DPP6: variants seen among roughly 807,000 people sequenced by gnomAD.
DPP6 encodes the protein A-type potassium channel modulatory protein DPP6.
Under a neutral mutation model 122.6 loss-of-function variants are expected in DPP6, and 69 were observed. The observed-to-expected ratio is 0.56, with a 90% CI of 0.46 to 0.69. The LOEUF is 0.69. DPP6 is among the 30% of genes least tolerant of loss of function. The pLI is 0.00. For missense variants in DPP6, 928 were observed against 1,116.9 expected (o/e 0.83, Z 2.41); for synonymous variants, 418 against 433.1 (o/e 0.97, Z 0.43).
Position 154,228,794 on chromosome 7 carries a change from T to C in DPP6, c.243+175731T>C, listed in dbSNP as rs529816509. Among the ~76,000 whole-genome samples, 10 of 152,326 alleles carry C rather than the reference T, an allele frequency of 6.6e-5. No individual in the cohort carries two copies. In the South Asian group the frequency reaches 1.9e-3, roughly 28 times the overall value. Reference sequence around the variant, plus strand: ...TTCAAAACACTTTTTAAAGCAATGATGTCAGTCATTTAGTCCATCCCTAAA... The same window carrying C: ...TTCAAAACACTTTTTAAAGCAATGACGTCAGTCATTTAGTCCATCCCTAAA... On this transcript the variant is annotated intron_variant, in intron 1 of 25. Transcript: ENST00000377770.
chr7:154,787,503 C>T (rs576526101), intron 10 of DPP6, among the ~76,000 whole-genome samples: 24 of 152,180 alleles, frequency 1.6e-4, no homozygotes, highest in African/African-American at 2.2e-4. Flanking sequence ...TCCAGAAATA[C>T]GCTTATTATT....
At chr7:153,898,498 C>T (rs1002904400) in intron 1 of DPP6, among the ~76,000 whole-genome samples, 5 of 151,942 alleles carry the variant, frequency 3.3e-5, no homozygotes, top group African/African-American at 9.7e-5. Context: ...ATGTTCCCAA[C>T]GTGAAAAAAT....
chr7:154,638,410 T>A (rs1835861080), intron 6 of DPP6, among the ~76,000 whole-genome samples: 1 of 152,188 alleles, frequency 6.6e-6, no homozygotes, highest in Non-Finnish European at 1.5e-5. Flanking sequence ...GCTCTACCCA[T>A]CACTCCGAGG....
chr7:154,795,292 T>G (rs1797976142), intron 11 of DPP6, among the ~76,000 whole-genome samples: 1 of 152,228 alleles, frequency 6.6e-6, no homozygotes, highest in Non-Finnish European at 1.5e-5. Context: ...GTGACACATG[T>G]GTGCTGCACA....
chr7:154,490,960 G>A (rs1032237720), intron 3 of DPP6, among the ~76,000 whole-genome samples: 2 of 152,192 alleles, frequency 1.3e-5, no homozygotes, highest in African/African-American at 4.8e-5. Flanking sequence ...TATACTGTAG[G>A]TGTCTATTTG....
At chr7:154,281,188 T>C (rs1414131406) in intron 1 of DPP6, among the ~76,000 whole-genome samples, 1 of 151,940 alleles carries the variant, frequency 6.6e-6, no homozygotes, top group Non-Finnish European at 1.5e-5. Context: ...AATTTTAGTA[T>C]TTTTAGTAGA....
chr7:154,309,781 G>A (rs1806697839), intron 1 of DPP6, among the ~76,000 whole-genome samples: 1 of 152,194 alleles, frequency 6.6e-6, no homozygotes. Context: ...CATAACTATT[G>A]AGGAGTCCCA....
At chr7:154,059,695 G>A (rs1403998983) in intron 1 of DPP6, 1 of 150,328 alleles carries the variant, frequency 6.7e-6, no homozygotes, top group Non-Finnish European at 1.5e-5. Flanking sequence ...AAAATCTTCT[G>A]ACAGCCCCAG....
chr7:153,915,330 G>A (rs1336229837), intron 1 of DPP6, among the ~76,000 whole-genome samples: 2 of 152,066 alleles, frequency 1.3e-5, no homozygotes, highest in Non-Finnish European at 2.9e-5. Flanking sequence ...CCAGTCCCTA[G>A]CTCCTACCCC....
Position 154,481,344 on chromosome 7 carries a change from G to GA in DPP6, c.457+6307_457+6308insA, listed in dbSNP as rs1554564216. The stretch of plus-strand genomic sequence containing the variant: ...CTATACACTTGGAGAGAGAGAGAGA[G>GA]GGGTGTGTGTGTGTGTGTGTGTGTG... On this transcript the variant is annotated intron_variant, in intron 3 of 25. Coordinates refer to ENST00000377770, the MANE Select transcript of DPP6 (RefSeq NM_130797.4). The surrounding 1 kb of genome is among the most constrained non-coding windows in gnomAD (Gnocchi z 4.2). Among the ~76,000 whole-genome samples the GA allele has an allele frequency of 6.5e-5, 2 of 30,802 alleles. No individual in the cohort carries two copies. The highest frequency in any genetic ancestry group is 2.6e-4 in the Non-Finnish European group (2 of 7,802). The allele number at this position is 30,802 out of a possible 152,430, so 20.2% of individuals were successfully genotyped here.
chr7:153,999,471 T>A (rs550142610), intron 1 of DPP6, among the ~76,000 whole-genome samples: 24 of 152,334 alleles, frequency 1.6e-4, no homozygotes, highest in South Asian at 4.1e-4. Context: ...ACTGAGTAAC[T>A]TTTTCCTTTT....
At chr7:154,406,957 G>T (rs1213409540) in intron 1 of DPP6, among the ~76,000 whole-genome samples, 3 of 152,156 alleles carry the variant, frequency 2.0e-5, no homozygotes, top group African/African-American at 7.2e-5. Flanking sequence ...AGTGTCACCT[G>T]ATCATCCACT....
intron 1 of DPP6, among the ~76,000 whole-genome samples, chr7:153,900,924 G>A (rs576592258): frequency 1.9e-4 from 29 of 152,278 alleles, no homozygotes; most frequent in African/African-American, 6.7e-4. Flanking sequence ...GCATTTCCAT[G>A]GGTAGAACTG....
chr7:153,888,214 C>T (rs1004746371), intron 1 of DPP6, among the ~76,000 whole-genome samples: 1 of 152,204 alleles, frequency 6.6e-6, no homozygotes, highest in African/African-American at 2.4e-5. Context: ...GCTCTCGGGG[C>T]AGGCGCCAGT....
intron 1 of DPP6, among the ~76,000 whole-genome samples, chr7:153,974,445 A>G (rs1326347845): frequency 2.6e-5 from 4 of 152,184 alleles, no homozygotes; most frequent in Non-Finnish European, 5.9e-5. Flanking sequence ...TTTGGGTTAG[A>G]TGATCTCTTT....
At chr7:153,973,846 T>G (rs539072290) in intron 1 of DPP6, among the ~76,000 whole-genome samples, 1 of 147,272 alleles carries the variant, frequency 6.8e-6, no homozygotes, top group African/African-American at 2.6e-5. Flanking sequence ...GCACTGTTCA[T>G]TTTTAGTATA....
intron 1 of DPP6, among the ~76,000 whole-genome samples, chr7:154,366,758 A>G (rs1241485315): frequency 6.6e-6 from 1 of 152,242 alleles, no homozygotes; most frequent in Non-Finnish European, 1.5e-5. Context: ...AATGGGATAA[A>G]AAAAATCAGA....
At chr7:154,101,791 T>C (rs996765175) in intron 1 of DPP6, among the ~76,000 whole-genome samples, 10 of 150,984 alleles carry the variant, frequency 6.6e-5, no homozygotes, top group Non-Finnish European at 1.5e-4. Flanking sequence ...AGCTGGGCAC[T>C]GTGGCGGGCG....
chr7:154,852,516 C>T (rs1479154386), intron 16 of DPP6, among the ~76,000 whole-genome samples: 1 of 152,044 alleles, frequency 6.6e-6, no homozygotes. Context: ...CCTCCCTCTC[C>T]TCCCTCTCCT....
Sources: gnomAD v4.1 joint callset for allele counts (sites outside exome capture counted in the v4.1 genomes callset) on GRCh38, gnomAD v4.1.1 for gene constraint, Gnocchi (gnomAD v3.1) non-coding constraint, MANE v1.5 for transcripts, NCBI Gene and HGNC (gene_info 2026-07-23, HGNC 2026-07-21) for gene names.